The following AXIN2 variants were observed in gnomAD, a reference collection of about 807,000 sequenced individuals.
The protein encoded by AXIN2 is axin-2.
AXIN2 carries 21 observed loss-of-function variants against 74.7 expected under a neutral mutation model. The ratio of observed to expected loss-of-function variants is 0.28; its 90% confidence interval spans 0.20 to 0.40. The LOEUF is 0.40. Ranked by LOEUF, AXIN2 falls within the 10% of genes least tolerant of loss-of-function variation. The probability of loss-of-function intolerance (pLI) is 1.00; values close to 1 mark genes in which losing one functional copy is unlikely to be tolerated. For synonymous variants in AXIN2, 532 were observed against 454.9 expected, an observed-to-expected ratio of 1.17 and a Z score of -2.16; for missense variants, 1,144 against 1,111.1, an observed-to-expected ratio of 1.03 and a Z score of -0.42.
rs775428814 is a variant in AXIN2 at position 65,538,667 on chromosome 17, C to CAAAAAAAAAAAAAAAAAAA, written c.1060-343_1060-325dup. On this transcript the variant is annotated intron_variant, in intron 4 of 10. Transcript: ENST00000307078. Reference sequence around the variant, plus strand: ...ATCTTCAAAGACTGTTGTCAACCATCAAAAAAAAAAAAAAAAAAAAAAAAA... The same window carrying CAAAAAAAAAAAAAAAAAAA: ...ATCTTCAAAGACTGTTGTCAACCATCAAAAAAAAAAAAAAAAAAAAAAAAAAAAAAAAAAAAAAAAAAAA... Among the ~76,000 whole-genome samples, 109 of 35,828 alleles carry CAAAAAAAAAAAAAAAAAAA rather than the reference C, an allele frequency of 3.0e-3. 54 individuals carry two copies. The highest frequency in any genetic ancestry group is 4.2e-3 in the East Asian group (4 of 944). 23.5% of individuals were successfully genotyped at this position (35,828 alleles called of 152,430 possible). A position where few individuals can be genotyped will look rare whatever the true frequency, so the allele number is the denominator to read the frequency against.
chr17:65,545,485 C>G (rs568020615), intron 3 of AXIN2, among the ~76,000 whole-genome samples: 1 of 152,058 alleles, frequency 6.6e-6, no homozygotes, highest in African/African-American at 2.4e-5. Flanking sequence ...GTCAAGAGAT[C>G]GAGACCATCC....
intron 3 of AXIN2, among the ~76,000 whole-genome samples, chr17:65,546,522 T>A (rs1399333260): frequency 6.6e-6 from 1 of 152,108 alleles, no homozygotes; most frequent in Non-Finnish European, 1.5e-5. Context: ...TGGCACCCAA[T>A]GGCAGCTTGA....
At chr17:65,537,890 G>C in intron 5 of AXIN2, 55 bp from the exon 6 acceptor site, 1 of 1,496,958 alleles carries the variant, frequency 6.7e-7, no homozygotes. Context: ...AGGGCCAGAG[G>C]CCCTGGGGTT....
At chr17:65,560,345 T>C (rs2044346326) in intron 1 of AXIN2, 1 of 147,918 alleles carries the variant, frequency 6.8e-6, no homozygotes, top group East Asian at 2.1e-4. Context: ...GTGGGCCCCT[T>C]AGCGCGGACC....
chr17:65,529,858 C>CT lies in AXIN2; in HGVS notation c.*117dup. On this transcript the variant is annotated 3_prime_UTR_variant, in exon 11 of 11. Coordinates refer to ENST00000307078, the MANE Select transcript of AXIN2 (RefSeq NM_004655.4). ...GCCCACTGGCCGATTCTTCCTTAGA[C>CT]TTTGTCTTCTTCATTGGTTTAATTT... is the stretch of plus-strand genomic sequence containing the variant. The CT allele has an allele frequency of 1.3e-6, 2 of 1,572,038 alleles. No homozygotes were observed. The highest frequency in any genetic ancestry group is 1.7e-6 in the Non-Finnish European group (2 of 1,152,492).
intron 9 of AXIN2, 73 bp from the exon 10 acceptor site, chr17:65,534,152 CGCACATGT>C: frequency 6.5e-7 from 1 of 1,541,266 alleles, no homozygotes. Flanking sequence ...CACACACGTG[CGCACATGT>C]GCATAAGTGA....
chr17:65,529,178 A>G lies in AXIN2; in HGVS notation c.*798T>C, dbSNP rs553983629. 7.3e-4 allele frequency: 172 copies of G among 234,402 alleles called. 1 individual carries two copies. The highest frequency in any genetic ancestry group is 3.1e-3 in the African/African-American group (142 of 45,476). The allele number at this position is 234,402 out of a possible 1,614,324, so 14.5% of individuals were successfully genotyped here. ...AGGGCCCTGGGCCTGGGGAGGCTACATGAGGGGGAGCCTCAGTCACAGGAT... is the reference window on the plus strand; with the variant it reads ...AGGGCCCTGGGCCTGGGGAGGCTACGTGAGGGGGAGCCTCAGTCACAGGAT... On this transcript the variant is annotated 3_prime_UTR_variant, in exon 11 of 11. Coordinates refer to ENST00000307078, the MANE Select transcript of AXIN2 (RefSeq NM_004655.4).
chr17:65,532,042 C>A lies in AXIN2; in HGVS notation c.2405+1870G>T, dbSNP rs76767930. 9.6e-3 allele frequency among the ~76,000 whole-genome samples: 1,456 copies of A among 152,280 alleles called. 28 individuals are homozygous for A. The highest frequency in any genetic ancestry group is 0.032 in the African/African-American group (1,342 of 41,548). Reference sequence around the variant, plus strand: ...GTCCCTGTCCTACCCCAGGAGGACACTGAGTCTAGCTCAGGCCCTGCAGAG... The same window carrying A: ...GTCCCTGTCCTACCCCAGGAGGACAATGAGTCTAGCTCAGGCCCTGCAGAG... On this transcript the variant is annotated intron_variant, in intron 10 of 10. Transcript: ENST00000307078.
At chr17:65,553,184 G>C (rs2144557902) in intron 2 of AXIN2, among the ~76,000 whole-genome samples, 1 of 152,318 alleles carries the variant, frequency 6.6e-6, no homozygotes, top group East Asian at 1.9e-4. Flanking sequence ...AGCTCCATGA[G>C]GGACAGCCCT....
At chr17:65,545,820 T>C (rs2044110268) in intron 3 of AXIN2, among the ~76,000 whole-genome samples, 1 of 152,096 alleles carries the variant, frequency 6.6e-6, no homozygotes, top group African/African-American at 2.4e-5. Flanking sequence ...ATGATTTCTT[T>C]AAAGCCCCTG....
In AXIN2 at chr17:65,557,815, C is replaced by T; in HGVS notation, c.806G>A (p.Ser269Asn). ...ASVRSTETVDSGYRSFKRSDP... is the reference protein window; with the variant it reads ...ASVRSTETVDNGYRSFKRSDP... ...CCCGTCAAAGTCTTACCTGTATCCA[C>T]TGTCAACAGTTTCCGTGGACCTCAC... Residue 269 changes from serine (S) to asparagine (N), a missense_variant, in exon 2 of 11, where the codon AGT (serine) becomes AAT (asparagine). By Grantham distance (46) the Ser-to-Asn change is conservative. Transcript: ENST00000307078. The T allele has an allele frequency of 6.2e-7, 1 of 1,614,242 alleles. No homozygotes were observed. The highest frequency in any genetic ancestry group is 8.5e-7 in the Non-Finnish European group (1 of 1,180,042).
intron 3 of AXIN2, among the ~76,000 whole-genome samples, chr17:65,547,888 C>A (rs1304067797): frequency 6.6e-6 from 1 of 152,100 alleles, no homozygotes; most frequent in Admixed American, 6.6e-5. Context: ...CCCTATGCAC[C>A]CTCATTGCCT....
chr17:65,547,105 TAA>T (rs774635998), intron 3 of AXIN2, among the ~76,000 whole-genome samples: 55 of 152,264 alleles, frequency 3.6e-4, no homozygotes, highest in Non-Finnish European at 6.2e-4. Flanking sequence ...GTGAAAGCTT[TAA>T]AGTCACCTCT....
intron 2 of AXIN2, among the ~76,000 whole-genome samples, chr17:65,556,355 T>G (rs1054320903): frequency 6.6e-6 from 1 of 152,040 alleles, no homozygotes; most frequent in Non-Finnish European, 1.5e-5. Context: ...CTTACCCAAA[T>G]GGTCTCATAA....
In AXIN2 at chr17:65,537,437, C is replaced by A. The variant is rs188003998; in HGVS notation, c.1599G>T (p.Ala533=). ...AGCAGTGCACCCGCTGCGTGGCCTCCGCCTCGATCTCCTCCTTGGTCTTGG... is the reference window on the plus strand; with the variant it reads ...AGCAGTGCACCCGCTGCGTGGCCTCAGCCTCGATCTCCTCCTTGGTCTTGG... ...AVPKTKEEIE[A]EATQRVHCFC... is the part of the protein sequence containing the mutation. Residue 533 remains alanine (A), a synonymous_variant, in exon 6 of 11, where the codon GCG becomes GCT. Coordinates refer to ENST00000307078, the MANE Select transcript of AXIN2 (RefSeq NM_004655.4). 1 of 1,613,886 alleles carries A rather than the reference C, an allele frequency of 6.2e-7. No individual in the cohort carries two copies. The highest frequency in any genetic ancestry group is 8.5e-7 in the Non-Finnish European group (1 of 1,180,036).
At chr17:65,549,470 G>A (rs2144536589) in intron 3 of AXIN2, 50 bp downstream of exon 3, 1 of 1,608,386 alleles carries the variant, frequency 6.2e-7, no homozygotes. Context: ...AAGTGCTCAG[G>A]TGGCATCCAC....
intron 4 of AXIN2, among the ~76,000 whole-genome samples, chr17:65,539,380 T>C (rs186510233): frequency 1.1e-4 from 16 of 152,326 alleles, no homozygotes; most frequent in African/African-American, 3.6e-4. Flanking sequence ...GGCTCCTGTG[T>C]AGGTGGCCAT....
Position 65,537,723 on chromosome 17 carries a change from A to G in AXIN2, c.1313T>C (p.Ile438Thr). Reference sequence around the variant, plus strand: ...GACCCTGGACAGGTGATCGTCCAGTATCGTCTGCGGGTCTTCCTCGTAGCT... The same window carrying G: ...GACCCTGGACAGGTGATCGTCCAGTGTCGTCTGCGGGTCTTCCTCGTAGCT... ...SGSYEEDPQT[I>T]LDDHLSRVLK... The change falls in exon 6 of 11, where the codon ATA (isoleucine) becomes ACA (threonine). Residue 438 changes from isoleucine to threonine, a missense_variant. Physicochemically the swap from Ile to Thr is moderately conservative, Grantham distance 89. Around this residue, in one of 4 missense-constraint regions of AXIN2, gnomAD observed 1,053 missense variants for 973.5 expected, o/e 1.08. Transcript: ENST00000307078. 6.4e-7 allele frequency: 1 copy of G among 1,561,970 alleles called. No homozygotes were observed. The highest frequency in any genetic ancestry group is 8.7e-7 in the Non-Finnish European group (1 of 1,153,168).
rs773033390 is a variant in AXIN2, at chr17:65,537,550, C to T, written c.1486G>A (p.Ala496Thr). 9 of 1,612,508 alleles carry T rather than the reference C, an allele frequency of 5.6e-6. No individual in the cohort carries two copies. In the East Asian group the frequency reaches 1.3e-4, roughly 24 times the overall value. The stretch of plus-strand genomic sequence containing the variant: ...CCTTTGCCCCCGAGGAGGGGGCAGG[C>T]GCCCGGCGAGGCGGCCGCGGGAGGC... ...KLPPAAASPG[A>T]CPLLGGKGFV... The change falls in exon 6 of 11, where the codon GCC (alanine) becomes ACC (threonine). Residue 496 changes from alanine to threonine, a missense_variant. Transcript: ENST00000307078.
Sources: gnomAD v4.1 joint callset for allele counts (sites outside exome capture counted in the v4.1 genomes callset) on GRCh38, gnomAD v4.1.1 for gene constraint, gnomAD v4.1.1 regional missense constraint, MANE v1.5 for transcripts, NCBI Gene and HGNC (gene_info 2026-07-23, HGNC 2026-07-21) for gene names.